Variants in SORD observed in about 807,000 individuals in gnomAD.
The protein encoded by SORD is sorbitol dehydrogenase.
Under a neutral mutation model 35.6 loss-of-function variants are expected in SORD, and 18 were observed. That is an observed-to-expected ratio of 0.51 (90% confidence interval 0.35 to 0.75). The LOEUF is 0.75. SORD is among the 30% of genes least tolerant of loss of function. The probability of loss-of-function intolerance (pLI) is 0.01; values close to 1 mark genes in which losing one functional copy is unlikely to be tolerated. For synonymous variants in SORD, 106 were observed against 152.9 expected, an observed-to-expected ratio of 0.69 and a Z score of 2.26; for missense variants, 250 against 390.2, an observed-to-expected ratio of 0.64 and a Z score of 3.03.
chr15:45,035,020 G>T (rs543944661), intron 1 of SORD, among the ~76,000 whole-genome samples: 6 of 152,260 alleles, frequency 3.9e-5, no homozygotes, highest in Admixed American at 3.9e-4. Context: ...CAGCAGTGCC[G>T]GCCCGCCGGC....
chr15:45,029,384 G>A (rs1892733019), intron 1 of SORD, among the ~76,000 whole-genome samples: 1 of 115,168 alleles, frequency 8.7e-6, no homozygotes, highest in African/African-American at 5.6e-5. Context: ...GTGGAGTACT[G>A]GGCCTACCGT....
chr15:45,046,633 A>G (rs903435835), intron 3 of SORD, among the ~76,000 whole-genome samples: 7 of 152,252 alleles, frequency 4.6e-5, no homozygotes, highest in Non-Finnish European at 2.9e-5. Context: ...AGTCTTTCAT[A>G]TGTTAACTTG....
intron 3 of SORD, among the ~76,000 whole-genome samples, chr15:45,046,031 G>A (rs1893041618): frequency 6.6e-6 from 1 of 151,678 alleles, no homozygotes; most frequent in Admixed American, 6.6e-5. Flanking sequence ...AATTTAAAAA[G>A]CACTGTAAAA....
chr15:45,036,785 T>C (rs1326459480), intron 1 of SORD, among the ~76,000 whole-genome samples: 1 of 151,938 alleles, frequency 6.6e-6, no homozygotes, highest in Non-Finnish European at 1.5e-5. Context: ...ACAAAACCTT[T>C]GGGAATGAGA....
chr15:45,061,862 C>G (rs925915070), intron 4 of SORD, among the ~76,000 whole-genome samples: 1 of 151,956 alleles, frequency 6.6e-6, no homozygotes, highest in African/African-American at 2.4e-5. Context: ...GACCGAGACT[C>G]CGTCTCAAAA....
intron 1 of SORD, among the ~76,000 whole-genome samples, chr15:45,027,119 C>G (rs879363830): frequency 6.6e-6 from 1 of 152,204 alleles, no homozygotes; most frequent in Non-Finnish European, 1.5e-5. Context: ...GTTAGGAGAA[C>G]AAAACGAAAC....
chr15:45,057,265 TTTTTTAGGTTTTTTGCTTTTGTGA>T (rs1385962910), intron 3 of SORD, among the ~76,000 whole-genome samples: 3 of 152,190 alleles, frequency 2.0e-5, no homozygotes, highest in South Asian at 2.1e-4. Context: ...TATTTAACCT[TTTTTTAGGTTTTTTGCTTTTGTGA>T]TTTTTAGGTT....
At chr15:45,065,437 A>T (rs757740365) in intron 5 of SORD, 48 bp downstream of exon 5, 1 of 1,560,652 alleles carries the variant, frequency 6.4e-7, no homozygotes, top group East Asian at 2.3e-5. Context: ...CTGGGAATTC[A>T]GGGAACCCTC....
At position 45,023,211 on chromosome 15, in the gene SORD, G is replaced by T. The variant is rs1851620350; in HGVS notation, c.-73G>T. 3.0e-6 allele frequency: 4 copies of T among 1,340,388 alleles called. No homozygotes were observed. The highest frequency in any genetic ancestry group is 1.9e-4 in the Middle Eastern group (1 of 5,308). 83.0% of individuals were successfully genotyped at this position (1,340,388 alleles called of 1,614,324 possible). ...CTTCCATCCAGTGCCCTGGACCCTC[G>T]GCTGGGTAGCGCCACCAGAGCGACC... On this transcript the variant is annotated 5_prime_UTR_variant, in exon 1 of 9. Coordinates refer to ENST00000267814, the MANE Select transcript of SORD (RefSeq NM_003104.6).
chr15:45,054,488 G>A (rs1223523842), intron 3 of SORD, among the ~76,000 whole-genome samples: 1 of 152,138 alleles, frequency 6.6e-6, no homozygotes, highest in African/African-American at 2.4e-5. Context: ...TTTTTGATGG[G>A]GTTGTTTGTC....
intron 3 of SORD, among the ~76,000 whole-genome samples, chr15:45,049,382 T>C (rs1178633313): frequency 6.6e-6 from 1 of 152,106 alleles, no homozygotes; most frequent in Non-Finnish European, 1.5e-5. Flanking sequence ...CTAAGGGTCC[T>C]CAGAAGAAAG....
Position 45,073,503 on chromosome 15 carries a change from G to T in SORD, c.1047G>T (p.Lys349Asn). ...KKGLGLKIML[K>N]CDPSDQNP ...GATTGGGGTTGAAAATCATGCTCAA[G>T]TGTGACCCCAGTGACCAGAATCCCT... The change falls in exon 9 of 9, where the codon AAG becomes AAT. Residue 349 changes from lysine (K) to asparagine (N), a missense_variant. By Grantham distance (94) the Lys-to-Asn change is moderately conservative. Around this residue, in one of 8 missense-constraint regions of SORD, gnomAD observed 17 missense variants for 26.2 expected, o/e 0.65. Transcript: ENST00000267814. 1 of 1,570,362 alleles carries T rather than the reference G, an allele frequency of 6.4e-7. No homozygotes were observed. Among genetic ancestry groups the T allele is most frequent in the Non-Finnish European group, 8.6e-7 (1 of 1,165,862 alleles).
intron 1 of SORD, among the ~76,000 whole-genome samples, chr15:45,031,575 T>G (rs1348020398): frequency 6.6e-6 from 1 of 152,270 alleles, no homozygotes; most frequent in Non-Finnish European, 1.5e-5. Flanking sequence ...CATAGGAATG[T>G]CCATTGTCAT....
At chr15:45,037,528 G>A (rs60599005) in intron 1 of SORD, among the ~76,000 whole-genome samples, 1,955 of 152,274 alleles carry the variant, frequency 0.013, 51 homozygotes, top group African/African-American at 0.045. Flanking sequence ...TTAGCAGGGA[G>A]GGTGGGGTGC....
chr15:45,048,552 A>C (rs1278981104), intron 3 of SORD, among the ~76,000 whole-genome samples: 2 of 151,902 alleles, frequency 1.3e-5, no homozygotes, highest in Non-Finnish European at 2.9e-5. Flanking sequence ...TCATGGAAAA[A>C]CCCTGTCTCT....
intron 1 of SORD, among the ~76,000 whole-genome samples, chr15:45,026,289 G>T (rs1438480618): frequency 6.6e-6 from 1 of 152,190 alleles, no homozygotes; most frequent in African/African-American, 2.4e-5. Context: ...TCCTGGGGAA[G>T]CTTTGAGGGG....
At chr15:45,052,735 G>A (rs961863892) in intron 3 of SORD, among the ~76,000 whole-genome samples, 2 of 152,044 alleles carry the variant, frequency 1.3e-5, no homozygotes, top group African/African-American at 4.8e-5. Flanking sequence ...CTGAGCCCCT[G>A]TCTATCCACC....
At chr15:45,031,421 C>T (rs962403816) in intron 1 of SORD, among the ~76,000 whole-genome samples, 4 of 152,106 alleles carry the variant, frequency 2.6e-5, no homozygotes, top group Non-Finnish European at 4.4e-5. Flanking sequence ...CTTGAAACAA[C>T]AAAGTGGGAG....
intron 3 of SORD, among the ~76,000 whole-genome samples, chr15:45,058,139 A>G (rs1893246760): frequency 6.6e-6 from 1 of 152,226 alleles, no homozygotes; most frequent in East Asian, 1.9e-4. Context: ...GAGAGAATGG[A>G]AGAAAATGTG....
Sources: allele counts gnomAD v4.1 joint callset (sites outside exome capture counted in the v4.1 genomes callset), GRCh38; gene constraint gnomAD v4.1.1; regional missense constraint gnomAD v4.1.1; transcripts MANE v1.5; gene names NCBI Gene and HGNC (gene_info 2026-07-23, HGNC 2026-07-21).